The following KCNH8 variants were observed in gnomAD, a reference collection of about 807,000 sequenced individuals.
KCNH8 encodes voltage-gated delayed rectifier potassium channel KCNH8.
A neutral mutation model predicts 103.6 loss-of-function variants in KCNH8; 70 were observed. The observed-to-expected ratio is 0.68, with a 90% confidence interval of 0.56 to 0.82. The LOEUF (loss-of-function observed/expected upper bound fraction) is 0.82, where lower values mean the gene tolerates loss of function less well. Ranked by LOEUF, KCNH8 falls within the 40% of genes least tolerant of loss-of-function variation. KCNH8 has a pLI of 0.00. For synonymous variants in KCNH8, 498 were observed against 489.4 expected, an observed-to-expected ratio of 1.02 and a Z score of -0.23; for missense variants, 1,217 against 1,329.9, an observed-to-expected ratio of 0.92 and a Z score of 1.32.
Position 19,515,726 on chromosome 3 carries a change from T to A in KCNH8, c.2542+298T>A, listed in dbSNP as rs572835825. On this transcript the variant is annotated intron_variant, in intron 14 of 15. Transcript: ENST00000328405. ...TTAGAGGATGGCCATGTTTTACTAT[T>A]ATAAATTTAGATTAATCCATAAAAA... is the stretch of plus-strand genomic sequence containing the variant. Among the ~76,000 whole-genome samples, 4 of 152,200 alleles carry A rather than the reference T, an allele frequency of 2.6e-5. No homozygotes were observed. The East Asian group carries it at 7.7e-4, about 29-fold the overall frequency.
chr3:19,164,782 G>A (rs1464817433), intron 1 of KCNH8, among the ~76,000 whole-genome samples: 1 of 152,174 alleles, frequency 6.6e-6, no homozygotes, highest in Non-Finnish European at 1.5e-5. Context: ...GTATTTAGTA[G>A]GTTACTCAGG....
At chr3:19,433,659 G>T (rs1465372629) in intron 7 of KCNH8, among the ~76,000 whole-genome samples, 2 of 152,144 alleles carry the variant, frequency 1.3e-5, no homozygotes, top group East Asian at 1.9e-4. Context: ...TTTGTTTCAG[G>T]TGTTTATCTC....
At chr3:19,420,029 T>C (rs1351737235) in intron 7 of KCNH8, among the ~76,000 whole-genome samples, 1 of 152,174 alleles carries the variant, frequency 6.6e-6, no homozygotes, top group Non-Finnish European at 1.5e-5. Context: ...GCCTAGACCC[T>C]GTACTTACTA....
chr3:19,345,985 T>C (rs1224481015), intron 4 of KCNH8, among the ~76,000 whole-genome samples: 2 of 152,052 alleles, frequency 1.3e-5, no homozygotes, highest in Non-Finnish European at 2.9e-5. Flanking sequence ...AACTTCACTT[T>C]TGAGTTTTCC....
intron 11 of KCNH8, among the ~76,000 whole-genome samples, chr3:19,475,577 T>A (rs569743170): frequency 1.3e-5 from 2 of 152,316 alleles, no homozygotes; most frequent in South Asian, 4.1e-4. Flanking sequence ...ATGTCTATCC[T>A]ATGATGAAAG....
intron 3 of KCNH8, among the ~76,000 whole-genome samples, chr3:19,303,908 T>A (rs530750072): frequency 2.7e-4 from 41 of 152,150 alleles, no homozygotes; most frequent in African/African-American, 8.2e-4. Context: ...GACCCTTGAT[T>A]TTGAGGGTGG....
chr3:19,422,832 C>T (rs2066970387), intron 7 of KCNH8, among the ~76,000 whole-genome samples: 1 of 151,952 alleles, frequency 6.6e-6, no homozygotes, highest in Non-Finnish European at 1.5e-5. Context: ...TGTGTTGAGA[C>T]CTCCAGTGGG....
Position 19,534,385 on chromosome 3 carries a change from G to A in KCNH8, c.*286G>A, listed in dbSNP as rs1016000788. ...ACCCTGAGGGTCTGAGCAGCTAGAA[G>A]TCCTAGACAAAGAACTTGTGGATGA... On this transcript the variant is annotated 3_prime_UTR_variant, in exon 16 of 16. Transcript: ENST00000328405. 7.4e-6 allele frequency: 3 copies of A among 405,406 alleles called. No homozygotes were observed. The highest frequency in any genetic ancestry group is 6.1e-5 in the African/African-American group (3 of 49,394). The allele number at this position is 405,406 out of a possible 1,614,324, so 25.1% of individuals were successfully genotyped here.
At chr3:19,259,448 C>G (rs2064398864) in intron 2 of KCNH8, among the ~76,000 whole-genome samples, 1 of 150,964 alleles carries the variant, frequency 6.6e-6, no homozygotes, top group African/African-American at 2.4e-5. Flanking sequence ...TTTAATTTTC[C>G]CAGTAACCCT....
intron 1 of KCNH8, among the ~76,000 whole-genome samples, chr3:19,169,129 A>G (rs1276411281): frequency 1.3e-5 from 2 of 151,926 alleles, no homozygotes; most frequent in Non-Finnish European, 2.9e-5. Flanking sequence ...GCTCAAACTC[A>G]TTTTTATGGA....
chr3:19,186,755 A>C (rs1003191028), intron 1 of KCNH8, among the ~76,000 whole-genome samples: 1 of 152,056 alleles, frequency 6.6e-6, no homozygotes, highest in African/African-American at 2.4e-5. Flanking sequence ...ATGGAGCAAA[A>C]TAATGTTGAA....
intron 2 of KCNH8, among the ~76,000 whole-genome samples, chr3:19,263,762 T>A (rs1166741537): frequency 1.3e-5 from 2 of 151,906 alleles, no homozygotes; most frequent in Non-Finnish European, 1.5e-5. Context: ...ATTCTACCTC[T>A]TGATAAGAAG....
At chr3:19,385,700 T>G (rs2066347451) in intron 5 of KCNH8, among the ~76,000 whole-genome samples, 1 of 152,214 alleles carries the variant, frequency 6.6e-6, no homozygotes, top group Non-Finnish European at 1.5e-5. Context: ...AAGCCTCTCT[T>G]CATTGATCAG....
At chr3:19,466,911 T>C (rs2067750287) in intron 11 of KCNH8, among the ~76,000 whole-genome samples, 2 of 152,100 alleles carry the variant, frequency 1.3e-5, no homozygotes, top group South Asian at 4.1e-4. Flanking sequence ...TCTGCCTGCC[T>C]CAGCTTCCCA....
At chr3:19,404,255 G>T (rs778780182) in intron 7 of KCNH8, among the ~76,000 whole-genome samples, 5 of 151,910 alleles carry the variant, frequency 3.3e-5, no homozygotes, top group African/African-American at 4.8e-5. Context: ...TACAGCTCTT[G>T]TTGGATACAG....
At chr3:19,446,601 G>A (rs1026437836) in intron 8 of KCNH8, among the ~76,000 whole-genome samples, 1 of 151,994 alleles carries the variant, frequency 6.6e-6, no homozygotes, top group Non-Finnish European at 1.5e-5. Context: ...CAATGAGGAG[G>A]TGGGAAAGAG....
chr3:19,498,707 G>A (rs1488187290), intron 11 of KCNH8, among the ~76,000 whole-genome samples: 3 of 152,068 alleles, frequency 2.0e-5, no homozygotes, highest in Non-Finnish European at 4.4e-5. Flanking sequence ...CCATCTTTGT[G>A]GTTTTATCTA....
chr3:19,441,602 T>C (rs1157579316), intron 8 of KCNH8, among the ~76,000 whole-genome samples: 2 of 152,162 alleles, frequency 1.3e-5, no homozygotes, highest in African/African-American at 4.8e-5. Flanking sequence ...AAGGGAAACT[T>C]TACTGAACTA....
intron 1 of KCNH8, among the ~76,000 whole-genome samples, chr3:19,215,137 G>A (rs1287856705): frequency 2.0e-5 from 3 of 152,198 alleles, no homozygotes; most frequent in African/African-American, 7.2e-5. Flanking sequence ...GAGTCTGCAT[G>A]TCTAGCTAAA....
Sources: allele counts gnomAD v4.1 joint callset (sites outside exome capture counted in the v4.1 genomes callset), GRCh38; gene constraint gnomAD v4.1.1; transcripts MANE v1.5; gene names NCBI Gene and HGNC (gene_info 2026-07-23, HGNC 2026-07-21).